KCNAB1: variants seen among roughly 807,000 people sequenced by gnomAD.
KCNAB1 encodes potassium voltage-gated channel subfamily A regulatory beta subunit 1.
KCNAB1 carries 35 observed loss-of-function variants against 64.6 expected under a neutral mutation model. The observed-to-expected ratio is 0.54, with a 90% confidence interval of 0.41 to 0.72. The LOEUF (loss-of-function observed/expected upper bound fraction) is 0.72. Among genes scored for constraint, KCNAB1 ranks in the 30% least tolerant of loss-of-function variants. The probability of loss-of-function intolerance (pLI) is 0.00; values close to 1 mark genes in which losing one functional copy is unlikely to be tolerated. For missense variants in KCNAB1, 401 were observed against 512.9 expected, an observed-to-expected ratio of 0.78 and a Z score of 2.11; for synonymous variants, 177 against 183.8, an observed-to-expected ratio of 0.96 and a Z score of 0.30.
chr3:156,293,345 A>G (rs2107972089), intron 1 of KCNAB1, among the ~76,000 whole-genome samples: 1 of 152,376 alleles, frequency 6.6e-6, no homozygotes, highest in Non-Finnish European at 1.5e-5. Flanking sequence ...TTAATTGTCC[A>G]TATCTAACTA....
chr3:156,408,789 A>AAAAAT (rs931665509), intron 1 of KCNAB1, among the ~76,000 whole-genome samples: 1 of 152,250 alleles, frequency 6.6e-6, no homozygotes, highest in East Asian at 1.9e-4. Flanking sequence ...CCATAAAAAA[A>AAAAAT]AAAATAAAAT....
At chr3:156,211,463 A>G (rs1387128518) in intron 1 of KCNAB1, among the ~76,000 whole-genome samples, 1 of 152,216 alleles carries the variant, frequency 6.6e-6, no homozygotes, top group East Asian at 1.9e-4. Flanking sequence ...TATTATCAAA[A>G]CAGGTAGATG....
chr3:156,249,560 TAAAAAAAAAAGAAAAAAAAG>T (rs751479296), intron 1 of KCNAB1, among the ~76,000 whole-genome samples: 13 of 144,190 alleles, frequency 9.0e-5, no homozygotes, highest in Non-Finnish European at 1.7e-4. Context: ...AGACTCTGTC[TAAAAAAAAAAGAAAAAAAAG>T]AAAAAAAAAG....
intron 1 of KCNAB1, among the ~76,000 whole-genome samples, chr3:156,270,664 G>T (rs1194518590): frequency 6.6e-6 from 1 of 151,930 alleles, no homozygotes; most frequent in Non-Finnish European, 1.5e-5. Flanking sequence ...AAAAGTTCTC[G>T]TAGTTATTAT....
At chr3:156,357,265 A>G (rs1725317039) in intron 1 of KCNAB1, among the ~76,000 whole-genome samples, 1 of 152,202 alleles carries the variant, frequency 6.6e-6, no homozygotes, top group African/African-American at 2.4e-5. Context: ...GAAAGTTTCC[A>G]CAGTGAATTT....
chr3:156,233,399 G>C (rs145167939), intron 1 of KCNAB1, among the ~76,000 whole-genome samples: 2 of 152,242 alleles, frequency 1.3e-5, no homozygotes, highest in Non-Finnish European at 2.9e-5. Context: ...GCCACACAGA[G>C]GTCTTTGGAA....
chr3:156,243,252 T>C (rs1717272600), intron 1 of KCNAB1, among the ~76,000 whole-genome samples: 1 of 150,070 alleles, frequency 6.7e-6, no homozygotes, highest in Non-Finnish European at 1.5e-5. Context: ...TCAGACAAAA[T>C]CTCCCTCTGT....
rs1576700646 is a variant in KCNAB1 at position 156,304,939 on chromosome 3, G to A, written c.276-116677G>A. ...ACATGTTTAGTCCATAATTTATATC[G>A]AGTATGTGAATGTGTGTGTGATGTG... On this transcript the variant is annotated intron_variant, in intron 1 of 13. Transcript: ENST00000490337. Among the ~76,000 whole-genome samples, 5 of 151,800 alleles carry A rather than the reference G, an allele frequency of 3.3e-5. No homozygotes were observed. The South Asian group carries it at 6.3e-4, about 19-fold the overall frequency.
At chr3:156,269,913 C>CTT (rs34741042) in intron 1 of KCNAB1, among the ~76,000 whole-genome samples, 57 of 114,468 alleles carry the variant, frequency 5.0e-4, no homozygotes, top group Non-Finnish European at 6.3e-4. Flanking sequence ...CCGGGGCTTG[C>CTT]TTTTTTTTTT....
chr3:156,182,695 A>ATT (rs10624040), intron 1 of KCNAB1, among the ~76,000 whole-genome samples: 63,503 of 132,606 alleles, frequency 0.48, 16,306 homozygotes, highest in East Asian at 0.78. Flanking sequence ...AAGTAAGACA[A>ATT]TTTTTTTTTT....
intron 1 of KCNAB1, among the ~76,000 whole-genome samples, chr3:156,262,983 G>T (rs2108481592): frequency 6.6e-6 from 1 of 151,480 alleles, no homozygotes; most frequent in South Asian, 2.1e-4. Flanking sequence ...AATTCTGTAG[G>T]GTCAGAAGTT....
chr3:156,163,823 G>C (rs757013412), intron 1 of KCNAB1, among the ~76,000 whole-genome samples: 1 of 152,170 alleles, frequency 6.6e-6, no homozygotes, highest in Non-Finnish European at 1.5e-5. Flanking sequence ...ACCCTTTGTG[G>C]CAACGGCAAA....
intron 1 of KCNAB1, among the ~76,000 whole-genome samples, chr3:156,397,883 T>G (rs1713580707): frequency 6.6e-6 from 1 of 152,218 alleles, no homozygotes; most frequent in Non-Finnish European, 1.5e-5. Flanking sequence ...TTCAGCTCCC[T>G]AATTAGAATG....
At chr3:156,466,573 T>G (rs962077358) in intron 7 of KCNAB1, among the ~76,000 whole-genome samples, 1 of 151,994 alleles carries the variant, frequency 6.6e-6, no homozygotes, top group African/African-American at 2.4e-5. Context: ...GGTTACATGA[T>G]GAATTGTATA....
chr3:156,313,509 G>A (rs974937451), intron 1 of KCNAB1, among the ~76,000 whole-genome samples: 2 of 152,214 alleles, frequency 1.3e-5, no homozygotes, highest in Non-Finnish European at 2.9e-5. Context: ...GACAGAAGGC[G>A]ATGTGATGAT....
intron 3 of KCNAB1, among the ~76,000 whole-genome samples, chr3:156,455,143 G>C (rs1246885362): frequency 6.6e-6 from 1 of 152,200 alleles, no homozygotes; most frequent in Non-Finnish European, 1.5e-5. Flanking sequence ...AGAATTATTT[G>C]AGCTCAATGC....
At chr3:156,147,961 G>GCACGCA (rs35899836) in intron 1 of KCNAB1, among the ~76,000 whole-genome samples, 23,225 of 150,458 alleles carry the variant, frequency 0.15, 2,453 homozygotes, top group South Asian at 0.38. Flanking sequence ...ACACACACAC[G>GCACGCA]CACGCACACG....
chr3:156,486,926 C>T (rs1715261323), intron 8 of KCNAB1, among the ~76,000 whole-genome samples: 1 of 152,072 alleles, frequency 6.6e-6, no homozygotes. Context: ...GATGTGGGAC[C>T]AGTCTGAGTT....
chr3:156,464,922 C>T (rs191431013), intron 6 of KCNAB1, among the ~76,000 whole-genome samples: 33 of 152,144 alleles, frequency 2.2e-4, no homozygotes, highest in Non-Finnish European at 2.2e-4. Flanking sequence ...ATACTACCTA[C>T]GGTATTACTA....
Sources: allele counts gnomAD v4.1 joint callset (sites outside exome capture counted in the v4.1 genomes callset), GRCh38; gene constraint gnomAD v4.1.1; transcripts MANE v1.5; gene names NCBI Gene and HGNC (gene_info 2026-07-23, HGNC 2026-07-21).